Variants in GPC5 observed in about 807,000 individuals in gnomAD.
The protein encoded by GPC5 is glypican 5, also known as glypican-5.
In GPC5, 47 loss-of-function variants were observed where a neutral mutation model predicts 53.9. The ratio of observed to expected loss-of-function variants is 0.87; its 90% CI spans 0.69 to 1.11. The LOEUF (loss-of-function observed/expected upper bound fraction) is 1.11, where lower values mean the gene tolerates loss of function less well. GPC5 is among the 50% of genes most tolerant of loss of function. The probability of loss-of-function intolerance (pLI) is 0.00; values close to 1 mark genes in which losing one functional copy is unlikely to be tolerated. For synonymous variants in GPC5, 286 were observed against 263.3 expected, an observed-to-expected ratio of 1.09 and a Z score of -0.84; for missense variants, 748 against 713.1, an observed-to-expected ratio of 1.05 and a Z score of -0.56.
At chr13:92,064,858 A>G (rs932127203) in intron 6 of GPC5, among the ~76,000 whole-genome samples, 1 of 152,080 alleles carries the variant, frequency 6.6e-6, no homozygotes, top group Non-Finnish European at 1.5e-5. Context: ...TCAGGTAGAG[A>G]AGATACCTAG....
At chr13:92,200,462 A>G (rs908822124) in intron 7 of GPC5, among the ~76,000 whole-genome samples, 4 of 152,228 alleles carry the variant, frequency 2.6e-5, no homozygotes, top group South Asian at 2.1e-4. Flanking sequence ...CTTAAGCAAA[A>G]CAGGTAATTA....
chr13:91,941,858 A>G (rs771097497), intron 6 of GPC5, among the ~76,000 whole-genome samples: 2 of 152,176 alleles, frequency 1.3e-5, no homozygotes, highest in Non-Finnish European at 2.9e-5. Flanking sequence ...GTAAAGCAAG[A>G]TAAAGTTATA....
At chr13:92,516,028 T>C (rs1880762819) in intron 7 of GPC5, among the ~76,000 whole-genome samples, 2 of 152,186 alleles carry the variant, frequency 1.3e-5, no homozygotes, top group Non-Finnish European at 2.9e-5. Flanking sequence ...TGTATTTTCA[T>C]ATAACTATTG....
chr13:91,719,524 G>T (rs1022331303), intron 3 of GPC5, among the ~76,000 whole-genome samples: 8 of 152,074 alleles, frequency 5.3e-5, no homozygotes, highest in African/African-American at 1.9e-4. Flanking sequence ...TCACATTATG[G>T]TCATTATTTC....
chr13:92,230,120 T>C (rs1245798573), intron 7 of GPC5, among the ~76,000 whole-genome samples: 2 of 152,164 alleles, frequency 1.3e-5, no homozygotes, highest in African/African-American at 2.4e-5. Context: ...AGAGCAGATG[T>C]GGTCTTGTGT....
At chr13:91,925,742 C>CATCT (rs1393396791) in intron 6 of GPC5, among the ~76,000 whole-genome samples, 1 of 152,062 alleles carries the variant, frequency 6.6e-6, no homozygotes, top group Admixed American at 6.5e-5. Context: ...AACGAAAAAG[C>CATCT]ATCTCTATAA....
At chr13:91,841,384 TA>T (rs1245542073) in intron 5 of GPC5, among the ~76,000 whole-genome samples, 1 of 150,148 alleles carries the variant, frequency 6.7e-6, no homozygotes. Flanking sequence ...AAAAATATCT[TA>T]GGCCAGCAAA....
At chr13:92,612,441 T>C (rs1374769645) in intron 7 of GPC5, among the ~76,000 whole-genome samples, 1 of 152,100 alleles carries the variant, frequency 6.6e-6, no homozygotes, top group Non-Finnish European at 1.5e-5. Flanking sequence ...TTTATACATA[T>C]GATATAAATA....
At chr13:92,665,735 T>C (rs185862918) in intron 7 of GPC5, among the ~76,000 whole-genome samples, 156 of 152,298 alleles carry the variant, frequency 1.0e-3, no homozygotes, top group African/African-American at 3.7e-3. Context: ...CATTTTGAAT[T>C]GGAGGCAAAT....
At chr13:91,600,112 G>A (rs1008905931) in intron 2 of GPC5, among the ~76,000 whole-genome samples, 27 of 152,110 alleles carry the variant, frequency 1.8e-4, no homozygotes, top group Admixed American at 1.7e-3. Context: ...TAGAGGAGAC[G>A]GGGTTTCACC....
chr13:92,081,227 G>C (rs1204177854), intron 6 of GPC5, among the ~76,000 whole-genome samples: 1 of 152,050 alleles, frequency 6.6e-6, no homozygotes, highest in Non-Finnish European at 1.5e-5. Context: ...TCAGTCTTAT[G>C]AGTAGCTGGG....
At chr13:92,699,441 G>A (rs1887659095) in intron 7 of GPC5, among the ~76,000 whole-genome samples, 1 of 151,928 alleles carries the variant, frequency 6.6e-6, no homozygotes, top group Non-Finnish European at 1.5e-5. Context: ...GTTCTGTTCT[G>A]ATCTTACTTA....
At chr13:92,457,705 C>T (rs1423241633) in intron 7 of GPC5, among the ~76,000 whole-genome samples, 2 of 151,882 alleles carry the variant, frequency 1.3e-5, no homozygotes, top group East Asian at 1.9e-4. Context: ...GCTTTATATT[C>T]CATCCATGCA....
At chr13:91,883,830 G>A (rs1324715323) in intron 5 of GPC5, among the ~76,000 whole-genome samples, 5 of 152,026 alleles carry the variant, frequency 3.3e-5, no homozygotes, top group Non-Finnish European at 7.4e-5. Flanking sequence ...GTGCAGGTTT[G>A]TTATGTAGGT....
At chr13:92,035,320 A>C (rs1339738399) in intron 6 of GPC5, among the ~76,000 whole-genome samples, 1 of 151,622 alleles carries the variant, frequency 6.6e-6, no homozygotes, top group African/African-American at 2.4e-5. Context: ...TTCTCCCATT[A>C]CTTCCTCTCC....
intron 5 of GPC5, among the ~76,000 whole-genome samples, chr13:91,779,359 T>C (rs1352725856): frequency 6.6e-6 from 1 of 151,478 alleles, no homozygotes; most frequent in African/African-American, 2.4e-5. Flanking sequence ...TTCTTTTTTC[T>C]TTTTTTTTAC....
At chr13:91,767,811 C>A (rs966070545) in intron 5 of GPC5, among the ~76,000 whole-genome samples, 1 of 152,114 alleles carries the variant, frequency 6.6e-6, no homozygotes, top group Non-Finnish European at 1.5e-5. Context: ...CCTAAAGGAC[C>A]TTTTCCCATC....
intron 7 of GPC5, among the ~76,000 whole-genome samples, chr13:92,416,702 A>C (rs1270537823): frequency 6.6e-6 from 1 of 152,206 alleles, no homozygotes; most frequent in Non-Finnish European, 1.5e-5. Flanking sequence ...ACAAGTTCCA[A>C]AATGAAAAAT....
intron 7 of GPC5, among the ~76,000 whole-genome samples, chr13:92,232,893 AT>A (rs2042541708): frequency 6.6e-6 from 1 of 152,204 alleles, no homozygotes; most frequent in South Asian, 2.1e-4. Context: ...AAGCAAGAGT[AT>A]TGAAGCAGTT....
Sources: allele counts gnomAD v4.1 joint callset (sites outside exome capture counted in the v4.1 genomes callset), GRCh38; gene constraint gnomAD v4.1.1; transcripts MANE v1.5; gene names NCBI Gene and HGNC (gene_info 2026-07-23, HGNC 2026-07-21).